Variants in TMEM132D observed in about 807,000 individuals in gnomAD.
TMEM132D encodes the protein transmembrane protein 132D.
A neutral mutation model predicts 62.3 loss-of-function variants in TMEM132D; 21 were observed. That is an observed-to-expected ratio of 0.34 (90% CI 0.24 to 0.49). The LOEUF is 0.49. TMEM132D is among the 20% of genes least tolerant of loss of function. The pLI is 0.99. For synonymous variants in TMEM132D, 621 were observed against 575.6 expected (o/e 1.08, Z -1.13); for missense variants, 1,346 against 1,402.8 (o/e 0.96, Z 0.65).
chr12:129,848,593 A>G (rs1873438893), intron 1 of TMEM132D, among the ~76,000 whole-genome samples: 1 of 152,212 alleles, frequency 6.6e-6, no homozygotes, highest in South Asian at 2.1e-4. Flanking sequence ...GGTGTAGGAC[A>G]GTCATTTGCA....
At chr12:129,160,453 A>T (rs1412282856) in intron 5 of TMEM132D, among the ~76,000 whole-genome samples, 1 of 152,310 alleles carries the variant, frequency 6.6e-6, no homozygotes, top group Non-Finnish European at 1.5e-5. Context: ...GTGAAACAAC[A>T]TCTCTTTCCA....
intron 3 of TMEM132D, chr12:129,522,656 T>C (rs142369312): frequency 9.3e-4 from 142 of 152,318 alleles, no homozygotes; most frequent in African/African-American, 3.2e-3. Flanking sequence ...ATCAAAAACA[T>C]CGAAGACTAT....
At position 129,423,931 on chromosome 12, in the gene TMEM132D, A is replaced by T. The variant is rs140881673; in HGVS notation, c.1116-86114T>A. Among the ~76,000 whole-genome samples the T allele has an allele frequency of 2.3e-3, 349 of 152,302 alleles. 3 individuals carry two copies. Among genetic ancestry groups the T allele is most frequent in the African/African-American group, 8.1e-3 (335 of 41,570 alleles). ...AATTCCTTCAGTTCGTAACAGCCTC[A>T]TAGGTTAGGCTGCCCAGGTAGCTTT... is the stretch of plus-strand genomic sequence containing the variant. On this transcript the variant is annotated intron_variant, in intron 3 of 8. Coordinates refer to ENST00000422113, the MANE Select transcript of TMEM132D (RefSeq NM_133448.3).
At chr12:129,295,822 T>C (rs904604351) in intron 4 of TMEM132D, among the ~76,000 whole-genome samples, 1 of 152,184 alleles carries the variant, frequency 6.6e-6, no homozygotes. Context: ...TAATACCTAA[T>C]ACAATGTAAA....
chr12:129,318,688 T>G (rs1221200427), intron 4 of TMEM132D, among the ~76,000 whole-genome samples: 1 of 152,168 alleles, frequency 6.6e-6, no homozygotes, highest in African/African-American at 2.4e-5. Flanking sequence ...CAAGGTTGTA[T>G]GCTCTTTGTG....
At chr12:129,375,979 G>A (rs941937989) in intron 3 of TMEM132D, among the ~76,000 whole-genome samples, 3 of 152,156 alleles carry the variant, frequency 2.0e-5, no homozygotes, top group African/African-American at 7.2e-5. Flanking sequence ...AATCTTACAA[G>A]CACCCAGAGT....
intron 1 of TMEM132D, among the ~76,000 whole-genome samples, chr12:129,896,960 T>C (rs1306484465): frequency 6.6e-6 from 1 of 152,196 alleles, no homozygotes; most frequent in Non-Finnish European, 1.5e-5. Context: ...TTTGTTTACT[T>C]TCAAGGTCAA....
intron 4 of TMEM132D, among the ~76,000 whole-genome samples, chr12:129,249,470 G>C (rs1048653012): frequency 6.6e-6 from 1 of 152,236 alleles, no homozygotes; most frequent in Admixed American, 6.5e-5. Context: ...GAAGGGAACA[G>C]AGAACACGCA....
rs1871058241 is a variant in TMEM132D at position 129,779,605 on chromosome 12, G to T, written c.80-78907C>A. ...GCCCAGGTTTTTGTTATTGTTTTGG[G>T]TTTTTTTGTTTGTTTCTTTTGTTTC... On this transcript the variant is annotated intron_variant, in intron 1 of 8. Coordinates refer to ENST00000422113, the MANE Select transcript of TMEM132D (RefSeq NM_133448.3). The surrounding 1 kb of genome is among the most constrained non-coding windows in gnomAD (Gnocchi z 4.1). Among the ~76,000 whole-genome samples, 1 of 152,108 alleles carries T rather than the reference G, an allele frequency of 6.6e-6. No homozygotes were observed. Among genetic ancestry groups the T allele is most frequent in the South Asian group, 2.1e-4 (1 of 4,814 alleles).
intron 8 of TMEM132D, among the ~76,000 whole-genome samples, chr12:129,077,057 C>CAAAG (rs1874284669): frequency 6.6e-6 from 1 of 152,216 alleles, no homozygotes; most frequent in Non-Finnish European, 1.5e-5. Context: ...ACTCTGCAAA[C>CAAAG]AAAGACTGTA....
At chr12:129,871,416 G>A (rs1874238047) in intron 1 of TMEM132D, among the ~76,000 whole-genome samples, 1 of 152,064 alleles carries the variant, frequency 6.6e-6, no homozygotes, top group Non-Finnish European at 1.5e-5. Context: ...ATTTCACACT[G>A]TGTGTGTCCA....
intron 3 of TMEM132D, among the ~76,000 whole-genome samples, chr12:129,458,410 T>TA: frequency 6.6e-6 from 1 of 151,718 alleles, no homozygotes. Context: ...TTTTTTTTTT[T>TA]TGTCTTTTAG....
At chr12:129,794,046 A>G (rs1871480224) in intron 1 of TMEM132D, among the ~76,000 whole-genome samples, 2 of 150,720 alleles carry the variant, frequency 1.3e-5, no homozygotes, top group South Asian at 4.2e-4. Flanking sequence ...TCTTGAGTTT[A>G]TACTGCAGTA....
At chr12:129,150,825 G>A (rs1047803704) in intron 5 of TMEM132D, among the ~76,000 whole-genome samples, 1 of 152,254 alleles carries the variant, frequency 6.6e-6, no homozygotes, top group Non-Finnish European at 1.5e-5. Context: ...AGGGTCAGCT[G>A]TGGCCCCGGA....
At chr12:129,297,365 G>T (rs955234096) in intron 4 of TMEM132D, among the ~76,000 whole-genome samples, 3 of 152,206 alleles carry the variant, frequency 2.0e-5, no homozygotes, top group Non-Finnish European at 4.4e-5. Context: ...CAAGCCATTT[G>T]CTGCCAGCAG....
intron 5 of TMEM132D, among the ~76,000 whole-genome samples, chr12:129,190,932 C>A (rs1036924186): frequency 3.9e-5 from 6 of 152,106 alleles, no homozygotes; most frequent in Non-Finnish European, 8.8e-5. Flanking sequence ...AGGACAGGCT[C>A]CGGGTGCTGC....
chr12:129,281,418 CTTTT>C (rs71433359), intron 4 of TMEM132D, among the ~76,000 whole-genome samples: 8 of 106,880 alleles, frequency 7.5e-5, no homozygotes, highest in South Asian at 6.5e-4. Flanking sequence ...TAAATAAATT[CTTTT>C]TTTTTTAAAA....
chr12:129,087,925 CGGGTGTCCTCCATGACCG>C (rs1593255430), intron 5 of TMEM132D, among the ~76,000 whole-genome samples: 3 of 37,192 alleles, frequency 8.1e-5, no homozygotes, highest in Admixed American at 3.9e-4. Context: ...CCTCCCTGAC[CGGGTGTCCTCCATGACCG>C]GGGTGTCCTC....
chr12:129,495,733 C>T (rs771747891), intron 3 of TMEM132D, among the ~76,000 whole-genome samples: 20 of 152,044 alleles, frequency 1.3e-4, no homozygotes, highest in Non-Finnish European at 2.2e-4. Flanking sequence ...AAGGCTTTGA[C>T]GGGGTGGGGA....
Sources: allele counts gnomAD v4.1 joint callset (sites outside exome capture counted in the v4.1 genomes callset), GRCh38; gene constraint gnomAD v4.1.1; non-coding constraint Gnocchi (gnomAD v3.1); transcripts MANE v1.5; gene names NCBI Gene and HGNC (gene_info 2026-07-23, HGNC 2026-07-21).